USH2A: variants seen among roughly 807,000 people sequenced by gnomAD.
The protein encoded by USH2A is usherin, also known as Usher syndrome 2A (autosomal recessive, mild).
Under a neutral mutation model 538.9 loss-of-function variants are expected in USH2A, and 443 were observed. The observed-to-expected ratio is 0.82, with a 90% CI of 0.76 to 0.89. The LOEUF (loss-of-function observed/expected upper bound fraction) is 0.89. Among genes scored for constraint, USH2A ranks in the 40% least tolerant of loss-of-function variants. The probability of loss-of-function intolerance (pLI) is 0.00; values close to 1 mark genes in which losing one functional copy is unlikely to be tolerated. For missense variants in USH2A, 6,633 were observed against 6,324.8 expected (o/e 1.05, Z -1.65); for synonymous variants, 2,413 against 2,273.5 (o/e 1.06, Z -1.75).
At chr1:216,147,158 A>G (rs1465078799) in intron 21 of USH2A, among the ~76,000 whole-genome samples, 1 of 151,742 alleles carries the variant, frequency 6.6e-6, no homozygotes, top group Non-Finnish European at 1.5e-5. Context: ...ACCAACCCCA[A>G]GCATCGCTGA....
In USH2A at chr1:216,048,583, A is replaced by G. The variant is rs1052386893; in HGVS notation, c.6114T>C (p.Ala2038=). ...ATGCATGTGAGCTCTCAGTACAGCC[A>G]GCCAAAGTGCAAGCAGTTAGGGTTA... is the stretch of plus-strand genomic sequence containing the variant. ...YAVTLTACTL[A]GCTESSHALN... The change falls in exon 31 of 72, where the codon GCT becomes GCC. Residue 2038 remains alanine, a synonymous_variant. Transcript: ENST00000307340. The G allele has an allele frequency of 1.9e-6, 3 of 1,614,134 alleles. No individual in the cohort carries two copies. The highest frequency in any genetic ancestry group is 2.5e-6 in the Non-Finnish European group (3 of 1,179,990).
In USH2A at chr1:215,741,466, CAGG is replaced by C. The variant is rs747695930; in HGVS notation, c.11617_11619del (p.Pro3873del). On this transcript the variant is annotated inframe_deletion, in exon 60 of 72. Transcript: ENST00000307340. Reference sequence around the variant, plus strand: ...CAAGCTGACCCCAGTGCCTTAAGAACAGGAGAATTAAGATCCATTGGGGCTGCT... The same window carrying C: ...CAAGCTGACCCCAGTGCCTTAAGAACAGAATTAAGATCCATTGGGGCTGCT... 1 of 1,613,384 alleles carries C rather than the reference CAGG, an allele frequency of 6.2e-7. No individual in the cohort carries two copies.
At chr1:215,663,041 A>G (rs1276446253) in intron 64 of USH2A, among the ~76,000 whole-genome samples, 3 of 152,114 alleles carry the variant, frequency 2.0e-5, no homozygotes, top group Non-Finnish European at 4.4e-5. Context: ...TGGGTAAATT[A>G]CTCTTTTTCT....
chr1:216,255,024 A>T (rs1571627089), intron 11 of USH2A, among the ~76,000 whole-genome samples: 2 of 152,224 alleles, frequency 1.3e-5, no homozygotes, highest in South Asian at 4.1e-4. Flanking sequence ...GCTTTCTTTT[A>T]CTAACATGGA....
intron 3 of USH2A, among the ~76,000 whole-genome samples, chr1:216,409,449 G>T (rs1361771475): frequency 6.6e-6 from 1 of 151,952 alleles, no homozygotes; most frequent in East Asian, 1.9e-4. Flanking sequence ...AATAACAAAG[G>T]TGGAGGCATT....
chr1:216,210,572 T>C (rs1455590086), intron 15 of USH2A, among the ~76,000 whole-genome samples: 88 of 152,132 alleles, frequency 5.8e-4, no homozygotes, highest in Non-Finnish European at 2.9e-5. Flanking sequence ...TGTAAAATAG[T>C]TATTTTTGTT....
intron 3 of USH2A, among the ~76,000 whole-genome samples, chr1:216,397,480 A>G (rs1160711450): frequency 6.6e-6 from 1 of 152,194 alleles, no homozygotes; most frequent in Admixed American, 6.5e-5. Flanking sequence ...ACCTACCCTC[A>G]ATGTAGGTGG....
intron 21 of USH2A, among the ~76,000 whole-genome samples, chr1:216,157,915 C>A (rs1430051471): frequency 6.6e-6 from 1 of 152,072 alleles, no homozygotes; most frequent in Non-Finnish European, 1.5e-5. Context: ...AGCCAAGTAA[C>A]AAACCCGCAT....
intron 40 of USH2A, 132 bp downstream of exon 40, chr1:215,899,943 C>A: frequency 7.5e-7 from 1 of 1,333,576 alleles, no homozygotes; most frequent in Non-Finnish European, 1.1e-6. Flanking sequence ...ACTCTCTTGC[C>A]CTAGAAAAGG....
intron 4 of USH2A, among the ~76,000 whole-genome samples, chr1:216,344,501 G>A (rs996621040): frequency 6.6e-6 from 1 of 152,014 alleles, no homozygotes; most frequent in Non-Finnish European, 1.5e-5. Flanking sequence ...AGGAAAACTT[G>A]CTTTGTTTTA....
chr1:216,281,550 C>A (rs1441059948), intron 11 of USH2A, among the ~76,000 whole-genome samples: 1 of 151,994 alleles, frequency 6.6e-6, no homozygotes, highest in Non-Finnish European at 1.5e-5. Context: ...TAGCAGGTAC[C>A]AGTAATTTCT....
At chr1:216,033,782 G>A (rs1256262060) in intron 32 of USH2A, among the ~76,000 whole-genome samples, 2 of 152,136 alleles carry the variant, frequency 1.3e-5, no homozygotes, top group African/African-American at 4.8e-5. Flanking sequence ...GCTGCAGTGA[G>A]CTGTGAATGC....
intron 43 of USH2A, among the ~76,000 whole-genome samples, chr1:215,874,832 T>C (rs1208348090): frequency 1.3e-5 from 2 of 152,162 alleles, no homozygotes; most frequent in Non-Finnish European, 2.9e-5. Flanking sequence ...CTGGGGAGAA[T>C]AGGAAATTAC....
chr1:216,057,721 T>C (rs1012182114), intron 30 of USH2A, among the ~76,000 whole-genome samples: 8 of 151,990 alleles, frequency 5.3e-5, no homozygotes, highest in Non-Finnish European at 1.0e-4. Flanking sequence ...AAACTACAAA[T>C]ATTGGAATAT....
chr1:215,899,208 A>C (rs1021743597), intron 40 of USH2A, among the ~76,000 whole-genome samples: 1 of 152,232 alleles, frequency 6.6e-6, no homozygotes, highest in Admixed American at 6.5e-5. Flanking sequence ...GTTAATATCT[A>C]GGCTTTTGAA....
chr1:216,159,213 A>C (rs192757702), intron 21 of USH2A, among the ~76,000 whole-genome samples: 2 of 152,246 alleles, frequency 1.3e-5, no homozygotes, highest in East Asian at 3.9e-4. Flanking sequence ...GGCTAGTACT[A>C]TACTTCCAGT....
chr1:216,129,030 T>G (rs1377815835), intron 21 of USH2A, among the ~76,000 whole-genome samples: 2 of 151,904 alleles, frequency 1.3e-5, no homozygotes, highest in Non-Finnish European at 2.9e-5. Context: ...CCTAGCTTAT[T>G]TCACTTAACA....
chr1:216,230,803 A>G (rs1175302504), intron 14 of USH2A, among the ~76,000 whole-genome samples: 2 of 151,930 alleles, frequency 1.3e-5, no homozygotes, highest in East Asian at 3.9e-4. Context: ...AGCACACACT[A>G]CTAGCTTCTC....
chr1:215,839,478 G>A (rs889615056), intron 46 of USH2A, among the ~76,000 whole-genome samples: 2 of 152,164 alleles, frequency 1.3e-5, no homozygotes, highest in African/African-American at 4.8e-5. Context: ...GTTCTCCACT[G>A]TACCCTACTG....
Sources: allele counts gnomAD v4.1 joint callset (sites outside exome capture counted in the v4.1 genomes callset), GRCh38; gene constraint gnomAD v4.1.1; transcripts MANE v1.5; gene names NCBI Gene and HGNC (gene_info 2026-07-23, HGNC 2026-07-21).